Variants in PARVB observed in about 807,000 individuals in gnomAD.
PARVB encodes parvin beta.
A neutral mutation model predicts 47.0 loss-of-function variants in PARVB; 46 were observed. That is an observed-to-expected ratio of 0.98 (90% CI 0.77 to 1.25). The LOEUF (loss-of-function observed/expected upper bound fraction) is 1.25. PARVB is among the 50% of genes most tolerant of loss of function. The pLI, the probability that PARVB is intolerant of heterozygous loss-of-function variation, is 0.00. For synonymous variants in PARVB, 196 were observed against 196.3 expected, an observed-to-expected ratio of 1.00 and a Z score of 0.01; for missense variants, 473 against 471.6, an observed-to-expected ratio of 1.00 and a Z score of -0.03.
chr22:44,163,949 G>A lies in PARVB; in HGVS notation c.1018+19G>A, dbSNP rs779765012. On this transcript the variant is annotated intron_variant, in intron 12 of 12. Transcript: ENST00000338758. ...CCTGAAGGTAATGCCCCTGGCTCAG[G>A]TTCCCCCGGGAGAGGTGCGCACGGA... is the stretch of plus-strand genomic sequence containing the variant. 1 of 1,599,820 alleles carries A rather than the reference G, an allele frequency of 6.3e-7. No homozygotes were observed. The highest frequency in any genetic ancestry group is 8.5e-7 in the Non-Finnish European group (1 of 1,170,798).
At chr22:44,043,724 C>T (rs2051063378) in intron 1 of PARVB, among the ~76,000 whole-genome samples, 1 of 152,118 alleles carries the variant, frequency 6.6e-6, no homozygotes, top group Non-Finnish European at 1.5e-5. Context: ...TGAATTCTGT[C>T]TCAATAAAGC....
chr22:44,146,331 T>TCACACACGCA (rs5845637), intron 8 of PARVB: 44,324 of 144,156 alleles, frequency 0.31, 6,059 homozygotes, highest in East Asian at 0.59. Context: ...ACACATGTGC[T>TCACACACGCA]CACGTGCACA....
chr22:44,014,451 C>T (rs534864008), intron 2 of PARVB, among the ~76,000 whole-genome samples: 1 of 152,240 alleles, frequency 6.6e-6, no homozygotes, highest in South Asian at 2.1e-4. Context: ...TCCAAGTGTA[C>T]AATGTATGCA....
At chr22:44,030,797 A>G (rs2050812637) in intron 1 of PARVB, among the ~76,000 whole-genome samples, 1 of 151,796 alleles carries the variant, frequency 6.6e-6, no homozygotes, top group African/African-American at 2.4e-5. Flanking sequence ...CTTTTGGACG[A>G]TTTTTCAGAC....
rs73181213 is a variant in PARVB, at chr22:44,058,986, G to T, written c.112+34535G>T. ...TTCATAGATGAGGGTGTGATGGGGGGGGGAAACAGAAGCAGAGTTGATTGT... is the reference window on the plus strand; with the variant it reads ...TTCATAGATGAGGGTGTGATGGGGGTGGGAAACAGAAGCAGAGTTGATTGT... On this transcript the variant is annotated intron_variant, in intron 1 of 12. Coordinates refer to ENST00000338758, the MANE Select transcript of PARVB (RefSeq NM_013327.5). Among the ~76,000 whole-genome samples, 35 of 151,706 alleles carry T rather than the reference G, an allele frequency of 2.3e-4. No homozygotes were observed. In the East Asian group the frequency reaches 5.2e-3, roughly 23 times the overall value.
At chr22:44,120,755 A>G (rs2053026956) in intron 4 of PARVB, among the ~76,000 whole-genome samples, 1 of 151,644 alleles carries the variant, frequency 6.6e-6, no homozygotes, top group South Asian at 2.1e-4. Flanking sequence ...AGCTCACTGC[A>G]CCCTCAAACT....
upstream of PARVB, chr22:44,024,203 C>G (rs898166204): frequency 1.3e-5 from 4 of 305,638 alleles, no homozygotes; most frequent in African/African-American, 9.0e-5. Context: ...TCCGGGACGC[C>G]GGGGCCGCGC....
At chr22:44,104,090 G>C (rs1336795781) in intron 3 of PARVB, 1 of 152,232 alleles carries the variant, frequency 6.6e-6, no homozygotes, top group East Asian at 1.9e-4. Flanking sequence ...CCTGGCCACT[G>C]GGGCCAGGCA....
chr22:44,027,377 G>C (rs2050748218), intron 1 of PARVB, among the ~76,000 whole-genome samples: 1 of 152,188 alleles, frequency 6.6e-6, no homozygotes, highest in African/African-American at 2.4e-5. Context: ...GGCCGGCCCT[G>C]GCCAGTGTGG....
chr22:44,008,609 T>C (rs935111199), intron 2 of PARVB, among the ~76,000 whole-genome samples: 2 of 152,180 alleles, frequency 1.3e-5, no homozygotes, highest in African/African-American at 2.4e-5. Context: ...GTATTAGAGA[T>C]AGATGCTTGG....
At chr22:44,168,536 T>G in intron 12 of PARVB, 66 bp from the exon 13 acceptor site, 141 of 1,070,748 alleles carry the variant, frequency 1.3e-4, no homozygotes, top group Non-Finnish European at 1.9e-4. Flanking sequence ...ACGTGGCTTC[T>G]GAGAGTACCT....
At chr22:44,123,252 A>C (rs1420500347) in intron 4 of PARVB, among the ~76,000 whole-genome samples, 1 of 152,158 alleles carries the variant, frequency 6.6e-6, no homozygotes, top group East Asian at 1.9e-4. Context: ...TGACCATTAG[A>C]TTTGGCACCG....
chr22:44,048,777 G>C (rs186077966), intron 1 of PARVB, among the ~76,000 whole-genome samples: 18 of 152,214 alleles, frequency 1.2e-4, no homozygotes, highest in African/African-American at 3.6e-4. Context: ...GGTCAGGCTG[G>C]TCTCAAACTC....
intron 7 of PARVB, among the ~76,000 whole-genome samples, chr22:44,138,651 G>C (rs994895249): frequency 6.6e-6 from 1 of 152,210 alleles, no homozygotes; most frequent in African/African-American, 2.4e-5. Flanking sequence ...TCCAGTCTCA[G>C]TGTTCCCCTT....
chr22:44,130,967 G>A (rs115430037), intron 4 of PARVB, among the ~76,000 whole-genome samples: 1,520 of 149,070 alleles, frequency 0.01, 30 homozygotes, highest in African/African-American at 0.036. Flanking sequence ...AACCTGCCCC[G>A]CTTCGGGGAC....
In PARVB at chr22:44,090,683, C is replaced by T. The variant is rs146628331; in HGVS notation, c.113-3245C>T. ...GGGCCTTGCCAAGAGGACTCTCGGG[C>T]GTAGCCCACCTGTGTAATCCTCCAC... is the stretch of plus-strand genomic sequence containing the variant. On this transcript the variant is annotated intron_variant, in intron 1 of 12. Coordinates refer to ENST00000338758, the MANE Select transcript of PARVB (RefSeq NM_013327.5). Among the ~76,000 whole-genome samples, 162 of 152,352 alleles carry T rather than the reference C, an allele frequency of 1.1e-3. 1 individual carries two copies. The highest frequency in any genetic ancestry group is 3.5e-3 in the South Asian group (17 of 4,822).
intron 1 of PARVB, among the ~76,000 whole-genome samples, chr22:44,058,626 C>A (rs1305270610): frequency 7.2e-6 from 1 of 139,854 alleles, no homozygotes; most frequent in Non-Finnish European, 1.5e-5. Flanking sequence ...ACGATCTTGG[C>A]TCCCTGCAAC....
chr22:44,133,108 A>G lies in PARVB; in HGVS notation c.633+99A>G, dbSNP rs548251293. On this transcript the variant is annotated intron_variant, in intron 6 of 12. Coordinates refer to ENST00000338758, the MANE Select transcript of PARVB (RefSeq NM_013327.5). ...GCCCTCCCCCTCCTTTTTTCCCCCC[A>G]GGAGGCTACCTTCTATTTTTCCCTT... 4.0e-5 allele frequency: 27 copies of G among 678,208 alleles called. No homozygotes were observed. The South Asian group carries it at 4.9e-4, about 12-fold the overall frequency. 42.0% of individuals were successfully genotyped at this position (678,208 alleles called of 1,614,324 possible).
At chr22:44,117,852 A>G (rs2052945734) in intron 3 of PARVB, among the ~76,000 whole-genome samples, 1 of 152,154 alleles carries the variant, frequency 6.6e-6, no homozygotes, top group Non-Finnish European at 1.5e-5. Context: ...TTCCTTGCAC[A>G]GGAAAATCAC....
Sources: gnomAD v4.1 joint callset for allele counts (sites outside exome capture counted in the v4.1 genomes callset) on GRCh38, gnomAD v4.1.1 for gene constraint, MANE v1.5 for transcripts, NCBI Gene and HGNC (gene_info 2026-07-23, HGNC 2026-07-21) for gene names.